The following GLIS1 variants were observed in gnomAD, a reference collection of about 807,000 sequenced individuals.
GLIS1 encodes zinc finger protein GLIS1.
Under a neutral mutation model 63.8 loss-of-function variants are expected in GLIS1, and 24 were observed. That is an observed-to-expected ratio of 0.38 (90% confidence interval 0.27 to 0.53). The LOEUF is 0.53. Among genes scored for constraint, GLIS1 ranks in the 20% least tolerant of loss-of-function variants. The probability of loss-of-function intolerance (pLI) is 0.85; values close to 1 mark genes in which losing one functional copy is unlikely to be tolerated. For missense variants in GLIS1, 1,036 were observed against 1,074.1 expected, an observed-to-expected ratio of 0.96 and a Z score of 0.50; for synonymous variants, 450 against 482.5, an observed-to-expected ratio of 0.93 and a Z score of 0.88.
At chr1:53,634,901 C>T (rs1457426799) in intron 2 of GLIS1, among the ~76,000 whole-genome samples, 1 of 152,144 alleles carries the variant, frequency 6.6e-6, no homozygotes, top group East Asian at 1.9e-4. Flanking sequence ...TCCCCACCGC[C>T]TTCCATCCCC....
At chr1:53,695,485 T>A (rs1646455483) in intron 2 of GLIS1, among the ~76,000 whole-genome samples, 1 of 152,226 alleles carries the variant, frequency 6.6e-6, no homozygotes, top group Non-Finnish European at 1.5e-5. Context: ...GCCAGCCAGC[T>A]GGGAGCTCCC....
intron 4 of GLIS1, among the ~76,000 whole-genome samples, chr1:53,557,991 C>G (rs1644849648): frequency 6.6e-6 from 1 of 152,216 alleles, no homozygotes; most frequent in African/African-American, 2.4e-5. Flanking sequence ...AGCCCCAAAT[C>G]AAAGCAGGAT....
rs977307355 is a variant in GLIS1, at chr1:53,574,952, G to A, written c.1320+19156C>T. The stretch of plus-strand genomic sequence containing the variant: ...CTCCGGGGGCAGGGTGGGCAGCCCC[G>A]GTCTGAACCTCACATCTCATCTGGG... On this transcript the variant is annotated intron_variant, in intron 4 of 10. Transcript: ENST00000628545. The surrounding 1 kb of genome is among the most constrained non-coding windows in gnomAD (Gnocchi z 4.2). 2.0e-5 allele frequency among the ~76,000 whole-genome samples: 3 copies of A among 152,136 alleles called. No individual in the cohort carries two copies. Among genetic ancestry groups the A allele is most frequent in the African/African-American group, 7.2e-5 (3 of 41,416 alleles).
intron 2 of GLIS1, among the ~76,000 whole-genome samples, chr1:53,609,056 G>A (rs2948048): frequency 0.75 from 114,508 of 151,912 alleles, 43,296 homozygotes; most frequent in Middle Eastern, 0.86. Flanking sequence ...GGCACCAAGA[G>A]CCTCCAGTGA....
At chr1:53,668,011 C>T (rs909351032) in intron 2 of GLIS1, among the ~76,000 whole-genome samples, 1 of 152,234 alleles carries the variant, frequency 6.6e-6, no homozygotes, top group Non-Finnish European at 1.5e-5. Flanking sequence ...CCTCTATGGC[C>T]TCATCTCGTT....
chr1:53,564,850 T>C (rs1291610126), intron 4 of GLIS1, among the ~76,000 whole-genome samples: 1 of 152,068 alleles, frequency 6.6e-6, no homozygotes, highest in Non-Finnish European at 1.5e-5. Context: ...GCCTACCACC[T>C]TGGTGGTAAA....
At position 53,506,677 on chromosome 1, in the gene GLIS1, G is replaced by A. The variant is rs1367259958; in HGVS notation, c.2330C>T (p.Pro777Leu). The A allele has an allele frequency of 1.9e-6, 3 of 1,613,620 alleles. No homozygotes were observed. The East Asian group carries it at 6.7e-5, about 36-fold the overall frequency. ...CAGGCAGTGGTCAAAGGCTCCATTG[G>A]GGAAGAAGCCACAGTCCTCGGGGCC... The part of the protein sequence containing the change: ...SSGPEDCGFF[P>L]NGAFDHCLGH... The change falls in exon 11 of 11, where the codon CCC becomes CTC. Residue 777 changes from proline (P) to leucine (L), a missense_variant. By Grantham distance (98) the Pro-to-Leu change is moderately conservative (BLOSUM62 -3). This residue lies in a region of GLIS1 where 400 missense variants were observed against 400.9 expected (regional missense o/e 1.00). Coordinates refer to ENST00000628545, the MANE Select transcript of GLIS1 (RefSeq NM_001367484.1).
At chr1:53,640,194 C>T (rs1184535249) in intron 2 of GLIS1, among the ~76,000 whole-genome samples, 1 of 152,178 alleles carries the variant, frequency 6.6e-6, no homozygotes, top group Non-Finnish European at 1.5e-5. Context: ...ATCACTGAGC[C>T]AGCTAGCTCC....
intron 2 of GLIS1, among the ~76,000 whole-genome samples, chr1:53,682,726 A>T (rs181552399): frequency 4.3e-4 from 65 of 152,388 alleles, no homozygotes; most frequent in African/African-American, 1.5e-3. Flanking sequence ...AGTGTGCAGC[A>T]GTAGCTCATT....
chr1:53,626,735 G>A (rs1365017087), intron 2 of GLIS1, among the ~76,000 whole-genome samples: 1 of 152,176 alleles, frequency 6.6e-6, no homozygotes, highest in Non-Finnish European at 1.5e-5. Flanking sequence ...TGCCCTCAGT[G>A]CAACTTTCCT....
intron 4 of GLIS1, among the ~76,000 whole-genome samples, chr1:53,580,738 G>A (rs1422553803): frequency 6.6e-6 from 1 of 152,028 alleles, no homozygotes; most frequent in Non-Finnish European, 1.5e-5. Flanking sequence ...AAGAGAACAC[G>A]TGCCTAACCA....
At position 53,529,779 on chromosome 1, in the gene GLIS1, T is replaced by C. The variant is rs1239708224; in HGVS notation, c.1482+12A>G. 1 of 1,608,946 alleles carries C rather than the reference T, an allele frequency of 6.2e-7. No homozygotes were observed. The highest frequency in any genetic ancestry group is 8.5e-7 in the Non-Finnish European group (1 of 1,179,352). On this transcript the variant is annotated intron_variant, in intron 5 of 10. Coordinates refer to ENST00000628545, the MANE Select transcript of GLIS1 (RefSeq NM_001367484.1). ...CTCCACCCCGCCCTGGGCCTCTGCC[T>C]GTTGGGCCTACCGTGTCTAGGTGGG...
chr1:53,696,796 A>G (rs1323121749), intron 2 of GLIS1, among the ~76,000 whole-genome samples: 2 of 152,026 alleles, frequency 1.3e-5, no homozygotes, highest in East Asian at 3.9e-4. Flanking sequence ...CACCTCCCAC[A>G]CGGAGCCTTG....
chr1:53,564,943 T>C (rs944627368), intron 4 of GLIS1, among the ~76,000 whole-genome samples: 2 of 152,018 alleles, frequency 1.3e-5, no homozygotes, highest in African/African-American at 4.8e-5. Flanking sequence ...TAACACAAGA[T>C]TTTTGATCTA....
At chr1:53,528,586 C>T (rs768001389) in intron 5 of GLIS1, among the ~76,000 whole-genome samples, 1 of 152,134 alleles carries the variant, frequency 6.6e-6, no homozygotes, top group Non-Finnish European at 1.5e-5. Flanking sequence ...AACATTGCTT[C>T]CCTGCTGTTT....
intron 2 of GLIS1, among the ~76,000 whole-genome samples, chr1:53,721,420 G>A (rs1646753624): frequency 6.6e-6 from 1 of 152,164 alleles, no homozygotes; most frequent in South Asian, 2.1e-4. Context: ...AAGCAAGCCT[G>A]GACCGTAAAC....
chr1:53,622,218 AG>A (rs1253796666), intron 2 of GLIS1, among the ~76,000 whole-genome samples: 2 of 150,622 alleles, frequency 1.3e-5, no homozygotes, highest in Non-Finnish European at 3.0e-5. Flanking sequence ...ACTAGAGGTC[AG>A]GAGTTCGAGA....
rs1569783748 is a variant in GLIS1, at chr1:53,539,698, C to A, written c.1321-9746G>T. 2.0e-5 allele frequency among the ~76,000 whole-genome samples: 3 copies of A among 152,224 alleles called. No homozygotes were observed. Among genetic ancestry groups the A allele is most frequent in the African/African-American group, 7.2e-5 (3 of 41,530 alleles). ...CTGCCACATTCACAAACACACTAAC[C>A]CCCACCCACCAGCCACACCGACACA... On this transcript the variant is annotated intron_variant, in intron 4 of 10. Transcript: ENST00000628545. This position sits in a 1 kb window ranked among gnomAD's most constrained non-coding sequence, Gnocchi z 5.0.
chr1:53,582,256 C>T (rs529436912), intron 4 of GLIS1, among the ~76,000 whole-genome samples: 7 of 152,330 alleles, frequency 4.6e-5, no homozygotes, highest in Non-Finnish European at 8.8e-5. Flanking sequence ...CTGGTGCAAG[C>T]CTGTGTGGGT....
Sources: allele counts gnomAD v4.1 joint callset (sites outside exome capture counted in the v4.1 genomes callset), GRCh38; gene constraint gnomAD v4.1.1; regional missense constraint gnomAD v4.1.1; non-coding constraint Gnocchi (gnomAD v3.1); transcripts MANE v1.5; gene names NCBI Gene and HGNC (gene_info 2026-07-23, HGNC 2026-07-21).